The following STK32A variants were observed in gnomAD, a reference collection of about 807,000 sequenced individuals.
STK32A encodes serine/threonine-protein kinase 32A.
Under a neutral mutation model 53.2 loss-of-function variants are expected in STK32A, and 41 were observed. The observed-to-expected ratio is 0.77, with a 90% CI of 0.60 to 1.00. STK32A has a LOEUF of 1.00. Among genes scored for constraint, STK32A ranks in the 50% least tolerant of loss-of-function variants. The pLI is 0.00. For missense variants in STK32A, 458 were observed against 485.8 expected (o/e 0.94, Z 0.54); for synonymous variants, 166 against 162.8 (o/e 1.02, Z -0.15).
chr5:147,268,287 GATC>G (rs1227113269), intron 2 of STK32A, among the ~76,000 whole-genome samples: 1 of 152,116 alleles, frequency 6.6e-6, no homozygotes, highest in Non-Finnish European at 1.5e-5. Flanking sequence ...GGAAAGAATA[GATC>G]ATCAAGTCCC....
rs1178094622 is a variant in STK32A at position 147,259,958 on chromosome 5, G to GTC, written c.53-18155_53-18154dup. ...GGCTGTCTCTCTCTCTCTCCTCTCT[G>GTC]TCTCTCTCTCTCCTCTCTGTGTCTC... On this transcript the variant is annotated intron_variant, in intron 2 of 12. Coordinates refer to ENST00000397936, the MANE Select transcript of STK32A (RefSeq NM_001112724.2). 3.9e-5 allele frequency among the ~76,000 whole-genome samples: 4 copies of GTC among 103,024 alleles called. No individual in the cohort carries two copies. The East Asian group carries it at 1.2e-3, about 31-fold the overall frequency. The allele number at this position is 103,024 out of a possible 152,430, so 67.6% of individuals were successfully genotyped here. A position where few individuals can be genotyped will look rare whatever the true frequency, so the allele number is the denominator to read the frequency against.
intron 2 of STK32A, among the ~76,000 whole-genome samples, chr5:147,243,857 T>C (rs970225455): frequency 1.6e-5 from 2 of 124,798 alleles, no homozygotes; most frequent in Non-Finnish European, 3.6e-5. Context: ...TAAGTCCTAA[T>C]TACTTTTTTT....
At chr5:147,239,288 T>C (rs566770159) in intron 1 of STK32A, among the ~76,000 whole-genome samples, 1 of 152,360 alleles carries the variant, frequency 6.6e-6, no homozygotes, top group African/African-American at 2.4e-5. Context: ...GACTTCATTT[T>C]AAACTTTTCT....
chr5:147,324,182 T>C, intron 5 of STK32A, 111 bp downstream of exon 5: 1 of 1,121,096 alleles, frequency 8.9e-7, no homozygotes, highest in East Asian at 2.6e-5. Flanking sequence ...CGTTTAATTC[T>C]TGAAACAGTA....
At chr5:147,351,019 G>A (rs139879607) in intron 6 of STK32A, 46 bp from the exon 7 acceptor site, 1 of 1,540,526 alleles carries the variant, frequency 6.5e-7, no homozygotes, top group African/African-American at 1.4e-5. Flanking sequence ...TGTGCCACTG[G>A]GTTGAATGGG....
At chr5:147,239,729 C>A in intron 2 of STK32A, 43 bp downstream of exon 2, 3 of 1,489,076 alleles carry the variant, frequency 2.0e-6, no homozygotes, top group Non-Finnish European at 2.8e-6. Flanking sequence ...TAGAATTTTG[C>A]AAAATTCAAG....
chr5:147,250,172 G>A lies in STK32A; in HGVS notation c.52+10486G>A, dbSNP rs116623486. The stretch of plus-strand genomic sequence containing the variant: ...TACTAAGATGGAGATGCGTGGGAAC[G>A]GAGGGGTTTGGGACCCTGCTCACAT... On this transcript the variant is annotated intron_variant, in intron 2 of 12. Coordinates refer to ENST00000397936, the MANE Select transcript of STK32A (RefSeq NM_001112724.2). Among the ~76,000 whole-genome samples, 1,364 of 152,198 alleles carry A rather than the reference G, an allele frequency of 9.0e-3. 7 individuals are homozygous for A. The highest frequency in any genetic ancestry group is 0.015 in the Non-Finnish European group (1,019 of 68,016).
At chr5:147,237,721 C>T (rs1451282455) in intron 1 of STK32A, among the ~76,000 whole-genome samples, 1 of 152,162 alleles carries the variant, frequency 6.6e-6, no homozygotes, top group Non-Finnish European at 1.5e-5. Context: ...GTCCATAAGG[C>T]ACTTTGCCAG....
chr5:147,325,742 C>T (rs1754553230), intron 5 of STK32A, among the ~76,000 whole-genome samples: 1 of 152,124 alleles, frequency 6.6e-6, no homozygotes, highest in Admixed American at 6.6e-5. Context: ...AAATCCTGTT[C>T]TCAAGCACTC....
At chr5:147,263,205 C>T (rs6871018) in intron 2 of STK32A, among the ~76,000 whole-genome samples, 27,225 of 151,990 alleles carry the variant, frequency 0.18, 3,585 homozygotes, top group African/African-American at 0.36. Context: ...GTAAAGAGAA[C>T]GACAGAATAT....
chr5:147,265,884 T>C (rs915452587), intron 2 of STK32A, among the ~76,000 whole-genome samples: 5 of 152,140 alleles, frequency 3.3e-5, no homozygotes, highest in African/African-American at 1.2e-4. Flanking sequence ...TCATGGAGAA[T>C]TGTAAAATCC....
chr5:147,279,340 G>A lies in STK32A; in HGVS notation c.202G>A (p.Val68Ile). ...CGTGGAGCGCAATGAAGTGAGAAAT[G>A]TCTTCAAGGAACTCCAGATCATGCA... is the stretch of plus-strand genomic sequence containing the variant. ...KCVERNEVRN[V>I]FKELQIMQGL... Residue 68 changes from valine to isoleucine, a missense_variant, in exon 4 of 13, where the codon GTC becomes ATC. Coordinates refer to ENST00000397936, the MANE Select transcript of STK32A (RefSeq NM_001112724.2). The A allele has an allele frequency of 6.2e-7, 1 of 1,612,978 alleles. No individual in the cohort carries two copies. The highest frequency in any genetic ancestry group is 8.5e-7 in the Non-Finnish European group (1 of 1,179,440).
At chr5:147,337,322 G>C (rs1755183743) in intron 5 of STK32A, among the ~76,000 whole-genome samples, 1 of 152,070 alleles carries the variant, frequency 6.6e-6, no homozygotes, top group South Asian at 2.1e-4. Context: ...TGAAATCATA[G>C]GCTCGTAACA....
In STK32A at chr5:147,239,591, C is replaced by G. The variant is rs538024471; in HGVS notation, c.-44C>G. 1 of 1,516,018 alleles carries G rather than the reference C, an allele frequency of 6.6e-7. No individual in the cohort carries two copies. The highest frequency in any genetic ancestry group is 1.4e-5 in the African/African-American group (1 of 71,824). 93.9% of individuals were successfully genotyped at this position (1,516,018 alleles called of 1,614,324 possible). On this transcript the variant is annotated 5_prime_UTR_variant, in exon 2 of 13. Transcript: ENST00000397936. ...TTTGAGCGAAGATGGGTGTTTCTGCCCGGATAGTATAAATCGAGGATCCAG... is the reference window on the plus strand; with the variant it reads ...TTTGAGCGAAGATGGGTGTTTCTGCGCGGATAGTATAAATCGAGGATCCAG...
At chr5:147,277,904 A>G (rs1014193647) in intron 2 of STK32A, among the ~76,000 whole-genome samples, 9 of 152,122 alleles carry the variant, frequency 5.9e-5, no homozygotes, top group African/African-American at 2.2e-4. Flanking sequence ...CAGAGATTCT[A>G]TGTTTACTCT....
chr5:147,334,137 A>G (rs1165559769), intron 5 of STK32A, among the ~76,000 whole-genome samples: 1 of 152,202 alleles, frequency 6.6e-6, no homozygotes, highest in Non-Finnish European at 1.5e-5. Context: ...AGTAATTTGG[A>G]GACTGACAAG....
chr5:147,335,790 T>C (rs1368595951), intron 5 of STK32A, among the ~76,000 whole-genome samples: 1 of 152,132 alleles, frequency 6.6e-6, no homozygotes, highest in Non-Finnish European at 1.5e-5. Flanking sequence ...TGTGTGTGTG[T>C]ATGTGTGTGT....
chr5:147,278,050 C>T (rs1262326410), intron 2 of STK32A, 74 bp from the exon 3 acceptor site: 2 of 1,281,386 alleles, frequency 1.6e-6, no homozygotes, highest in African/African-American at 2.9e-5. Flanking sequence ...CAGTTTAGTC[C>T]AATCTTTATT....
At chr5:147,307,697 C>G (rs1753487632) in intron 4 of STK32A, among the ~76,000 whole-genome samples, 1 of 150,674 alleles carries the variant, frequency 6.6e-6, no homozygotes, top group Non-Finnish European at 1.5e-5. Context: ...TTCCTAGAAG[C>G]TTCACTGTTT....
Sources: allele counts gnomAD v4.1 joint callset (sites outside exome capture counted in the v4.1 genomes callset), GRCh38; gene constraint gnomAD v4.1.1; transcripts MANE v1.5; gene names NCBI Gene and HGNC (gene_info 2026-07-23, HGNC 2026-07-21).